FBXW7: variants seen among roughly 807,000 people sequenced by gnomAD.
FBXW7 encodes F-box and WD repeat domain containing 7, also known as F-box/WD repeat-containing protein 7.
FBXW7 carries 11 observed loss-of-function variants against 86.3 expected under a neutral mutation model. The observed-to-expected ratio is 0.13, with a 90% CI of 0.08 to 0.21. The LOEUF is 0.21. Among genes scored for constraint, FBXW7 ranks in the 10% least tolerant of loss-of-function variants. FBXW7 has a pLI of 1.00. For missense variants in FBXW7, 488 were observed against 847.4 expected (o/e 0.58, Z 5.27); for synonymous variants, 313 against 297.9 (o/e 1.05, Z -0.52).
At chr4:152,387,592 T>C (rs1254439346) in intron 4 of FBXW7, among the ~76,000 whole-genome samples, 1 of 116,044 alleles carries the variant, frequency 8.6e-6, no homozygotes, top group Non-Finnish European at 1.7e-5. Context: ...ATCAAGCTTG[T>C]ATTAGCAAAA....
chr4:152,521,725 T>C (rs1489234314), intron 2 of FBXW7, among the ~76,000 whole-genome samples: 1 of 150,486 alleles, frequency 6.6e-6, no homozygotes, highest in Non-Finnish European at 1.5e-5. Flanking sequence ...CAAAGAAGAG[T>C]CAATTCAAGT....
chr4:152,332,491 T>A, intron 8 of FBXW7, 105 bp downstream of exon 8: 1 of 1,165,926 alleles, frequency 8.6e-7, no homozygotes, highest in South Asian at 2.2e-5. Context: ...ATCTGTGGAT[T>A]TTATCATAAG....
intron 2 of FBXW7, among the ~76,000 whole-genome samples, chr4:152,461,704 T>C (rs1366760956): frequency 1.3e-5 from 2 of 152,252 alleles, no homozygotes; most frequent in East Asian, 1.9e-4. Flanking sequence ...TAATTTTTAG[T>C]TGAAAATACA....
chr4:152,509,531 T>C (rs2149712111), intron 2 of FBXW7, among the ~76,000 whole-genome samples: 1 of 152,248 alleles, frequency 6.6e-6, no homozygotes, highest in Non-Finnish European at 1.5e-5. Flanking sequence ...ACAACATGTT[T>C]TAGAGTAGAT....
intron 2 of FBXW7, among the ~76,000 whole-genome samples, chr4:152,477,266 T>C (rs1445646851): frequency 2.0e-5 from 3 of 152,122 alleles, no homozygotes; most frequent in East Asian, 1.9e-4. Context: ...GGTAGGTCAA[T>C]ATTAGAAAAA....
At chr4:152,400,216 A>G (rs1048529547) in intron 4 of FBXW7, among the ~76,000 whole-genome samples, 7 of 152,348 alleles carry the variant, frequency 4.6e-5, no homozygotes, top group Non-Finnish European at 8.8e-5. Flanking sequence ...ATGGTGCTGA[A>G]CCACCGAACA....
At chr4:152,446,879 C>T (rs941763518) in intron 2 of FBXW7, among the ~76,000 whole-genome samples, 3 of 152,102 alleles carry the variant, frequency 2.0e-5, no homozygotes, top group Non-Finnish European at 4.4e-5. Flanking sequence ...CATCCTTGAC[C>T]GAATCCTAAA....
chr4:152,488,100 G>A (rs992354274), intron 2 of FBXW7, among the ~76,000 whole-genome samples: 2 of 151,968 alleles, frequency 1.3e-5, no homozygotes, highest in African/African-American at 2.4e-5. Context: ...ATTCTTTGGA[G>A]AATTGAAAGT....
At chr4:152,457,828 C>T (rs115100847) in intron 2 of FBXW7, among the ~76,000 whole-genome samples, 28 of 151,678 alleles carry the variant, frequency 1.8e-4, no homozygotes, top group East Asian at 1.7e-3. Context: ...AGATGTTACA[C>T]TGATACTGTG....
At chr4:152,503,119 ATACTT>A (rs751228537) in intron 2 of FBXW7, among the ~76,000 whole-genome samples, 1 of 152,224 alleles carries the variant, frequency 6.6e-6, no homozygotes, top group Non-Finnish European at 1.5e-5. Flanking sequence ...ACTAAAATAG[ATACTT>A]TACAACACGT....
intron 4 of FBXW7, among the ~76,000 whole-genome samples, chr4:152,355,769 A>C (rs1732316409): frequency 6.6e-6 from 1 of 152,086 alleles, no homozygotes; most frequent in Admixed American, 6.6e-5. Context: ...TAGAAGTGGA[A>C]CTAGTGTGCT....
At chr4:152,444,902 GC>G (rs1560905898) in intron 2 of FBXW7, among the ~76,000 whole-genome samples, 1 of 152,098 alleles carries the variant, frequency 6.6e-6, no homozygotes, top group Non-Finnish European at 1.5e-5. Flanking sequence ...CACAATAATA[GC>G]TCAGCTCACT....
chr4:152,446,489 G>T (rs1353320916), intron 2 of FBXW7, among the ~76,000 whole-genome samples: 1 of 152,118 alleles, frequency 6.6e-6, no homozygotes, highest in Non-Finnish European at 1.5e-5. Context: ...GACATTTTAA[G>T]AGCATGTTTA....
At chr4:152,479,784 T>C (rs773675097) in intron 2 of FBXW7, among the ~76,000 whole-genome samples, 2 of 152,158 alleles carry the variant, frequency 1.3e-5, no homozygotes, top group Admixed American at 6.6e-5. Context: ...TATAGATCTA[T>C]TGCAAAGGCA....
intron 4 of FBXW7, among the ~76,000 whole-genome samples, chr4:152,355,632 G>A (rs1249845894): frequency 6.6e-6 from 1 of 152,056 alleles, no homozygotes; most frequent in Non-Finnish European, 1.5e-5. Flanking sequence ...TGTGTTGACT[G>A]ACAACCTAGA....
At chr4:152,430,179 G>C (rs529321294) in intron 2 of FBXW7, among the ~76,000 whole-genome samples, 10 of 152,106 alleles carry the variant, frequency 6.6e-5, no homozygotes, top group Non-Finnish European at 1.5e-4. Flanking sequence ...TTCTCTGAAC[G>C]GCTGAGTTTA....
At chr4:152,530,112 T>C (rs146388402) in intron 2 of FBXW7, among the ~76,000 whole-genome samples, 3 of 149,456 alleles carry the variant, frequency 2.0e-5, no homozygotes, top group African/African-American at 7.5e-5. Context: ...CGTGTATATA[T>C]ATACGTGTAC....
chr4:152,476,332 C>A (rs1340007812), intron 2 of FBXW7, among the ~76,000 whole-genome samples: 1 of 152,016 alleles, frequency 6.6e-6, no homozygotes, highest in African/African-American at 2.4e-5. Context: ...AAAGGTAATG[C>A]AAGACAGATC....
rs2126548271 is a variant in FBXW7 at position 152,332,635 on chromosome 4, C to T, written c.946G>A (p.Glu316Lys). ...QTCRYWRILA[E>K]DNLLWREKCK... ...TTCTCTCTCCAGAGAAGGTTGTCTT[C>T]AGCCAAAATTCTCCAGTAGCGACAT... The change falls in exon 8 of 14, where the codon GAA becomes AAA. Residue 316 changes from glutamate (E) to lysine (K), a missense_variant. By Grantham distance (56) the Glu-to-Lys change is moderately conservative (BLOSUM62 1). This residue lies in a region of FBXW7 where 59 missense variants were observed against 137.9 expected (regional missense o/e 0.43). Coordinates refer to ENST00000281708, the MANE Select transcript of FBXW7 (RefSeq NM_001349798.2). 1 of 1,606,924 alleles carries T rather than the reference C, an allele frequency of 6.2e-7. No individual in the cohort carries two copies. Among genetic ancestry groups the T allele is most frequent in the Non-Finnish European group, 8.5e-7 (1 of 1,175,400 alleles).
Sources: gnomAD v4.1 joint callset for allele counts (sites outside exome capture counted in the v4.1 genomes callset) on GRCh38, gnomAD v4.1.1 for gene constraint, gnomAD v4.1.1 regional missense constraint, MANE v1.5 for transcripts, NCBI Gene and HGNC (gene_info 2026-07-23, HGNC 2026-07-21) for gene names.